The following SLC2A9 variants were observed in gnomAD, a reference collection of about 807,000 sequenced individuals.
SLC2A9 encodes the protein solute carrier family 2, facilitated glucose transporter member 9.
In SLC2A9, 39 loss-of-function variants were observed where a neutral mutation model predicts 50.6. The ratio of observed to expected loss-of-function variants is 0.77; its 90% CI spans 0.60 to 1.01. SLC2A9 has a LOEUF of 1.01. Ranked by LOEUF, SLC2A9 falls within the 50% of genes least tolerant of loss-of-function variation. The pLI, the probability that SLC2A9 is intolerant of heterozygous loss-of-function variation, is 0.00. For missense variants in SLC2A9, 686 were observed against 677.6 expected, an observed-to-expected ratio of 1.01 and a Z score of -0.14; for synonymous variants, 324 against 276.9, an observed-to-expected ratio of 1.17 and a Z score of -1.69.
intron 6 of SLC2A9, among the ~76,000 whole-genome samples, chr4:9,935,234 C>G (rs1746851679): frequency 6.6e-6 from 1 of 152,218 alleles, no homozygotes; most frequent in Admixed American, 6.5e-5. Flanking sequence ...AATCACCACA[C>G]TGCCTTCCTC....
At chr4:9,841,346 G>A (rs1728057828) in intron 10 of SLC2A9, among the ~76,000 whole-genome samples, 1 of 152,062 alleles carries the variant, frequency 6.6e-6, no homozygotes, top group Non-Finnish European at 1.5e-5. Flanking sequence ...GATATTGTAT[G>A]CTCTGGGAAA....
intron 8 of SLC2A9, among the ~76,000 whole-genome samples, chr4:9,906,725 C>T (rs182691374): frequency 2.6e-5 from 4 of 152,118 alleles, no homozygotes; most frequent in Non-Finnish European, 5.9e-5. Context: ...TTACAAAAAA[C>T]AAAAAACATC....
chr4:10,025,121 T>C (rs59234705), upstream of SLC2A9, among the ~76,000 whole-genome samples: 16,605 of 152,260 alleles, frequency 0.11, 1,590 homozygotes, highest in East Asian at 0.46. Flanking sequence ...TAAATGGACT[T>C]GTGTTGATCT....
In SLC2A9 at chr4:9,804,470, C is replaced by T. The variant is rs548209248; in HGVS notation, n.421-5229G>A. ...GAGCAGCTGTGAGCTGTGGAAAGCA[C>T]CTTCTGTTCTGGGAGGATGGTGAGG... On this transcript the variant is annotated intron_variant and non_coding_transcript_variant, in intron 3 of 3. Coordinates refer to the SLC2A9 transcript ENST00000503280. Among the ~76,000 whole-genome samples, 10 of 152,240 alleles carry T rather than the reference C, an allele frequency of 6.6e-5. No individual in the cohort carries two copies. In the South Asian group the frequency reaches 1.9e-3, roughly 28 times the overall value.
intron 2 of SLC2A9, among the ~76,000 whole-genome samples, chr4:10,004,933 C>T (rs757812733): frequency 5.3e-5 from 8 of 152,198 alleles, no homozygotes; most frequent in Non-Finnish European, 1.0e-4. Context: ...TGCTTTGGGA[C>T]ATCTCACTCA....
intron 6 of SLC2A9, among the ~76,000 whole-genome samples, chr4:9,924,973 C>T (rs912443104): frequency 1.3e-5 from 2 of 152,204 alleles, no homozygotes; most frequent in Non-Finnish European, 2.9e-5. Flanking sequence ...GATTGGGCCA[C>T]TCTTCTGCAC....
At chr4:9,951,604 A>C (rs888119128) in intron 5 of SLC2A9, among the ~76,000 whole-genome samples, 3 of 146,160 alleles carry the variant, frequency 2.1e-5, no homozygotes, top group Admixed American at 6.9e-5. Context: ...CAAAATGTCA[A>C]TATGGAATCA....
intron 10 of SLC2A9, chr4:9,878,886 A>G (rs1047125862): frequency 2.0e-5 from 5 of 252,608 alleles, no homozygotes; most frequent in African/African-American, 2.3e-5. Flanking sequence ...TTGTTGGTGG[A>G]GACAAATTGA....
intron 8 of SLC2A9, among the ~76,000 whole-genome samples, chr4:9,902,634 C>G (rs1005569764): frequency 9.9e-5 from 15 of 152,158 alleles, no homozygotes; most frequent in African/African-American, 3.6e-4. Flanking sequence ...TTGCAGGGCC[C>G]TCTCCTGGCT....
At chr4:9,982,945 C>A (rs993017498) in intron 4 of SLC2A9, among the ~76,000 whole-genome samples, 8 of 152,172 alleles carry the variant, frequency 5.3e-5, no homozygotes, top group Non-Finnish European at 1.2e-4. Context: ...CTCGGCTCAC[C>A]GCAACCTCCA....
intron 5 of SLC2A9, among the ~76,000 whole-genome samples, chr4:9,980,265 T>G (rs13131257): frequency 6.6e-6 from 1 of 152,056 alleles, no homozygotes; most frequent in Admixed American, 6.5e-5. Flanking sequence ...TATGGCATAA[T>G]TCCATCAAAG....
At chr4:10,032,328 A>G (rs1054367150) in intron 1 of SLC2A9, among the ~76,000 whole-genome samples, 5 of 152,094 alleles carry the variant, frequency 3.3e-5, no homozygotes, top group Non-Finnish European at 7.3e-5. Flanking sequence ...AGGAGCAGCA[A>G]GGGCCAGGGC....
At chr4:9,794,182 CTT>C (rs1313852497), downstream of SLC2A9, among the ~76,000 whole-genome samples, 22 of 149,898 alleles carry the variant, frequency 1.5e-4, no homozygotes, top group East Asian at 2.5e-3. Context: ...GAGTTTCACT[CTT>C]GTCTCCCAGG....
Position 9,966,511 on chromosome 4 carries a change from C to A in SLC2A9, c.681+14081G>T, listed in dbSNP as rs573186510. ...TCTCTACCAAAAATACAAAAATTAG[C>A]CAGGTGTGGTGGTGGATGCCTGTAG... On this transcript the variant is annotated intron_variant, in intron 5 of 11. Coordinates refer to ENST00000264784, the MANE Select transcript of SLC2A9 (RefSeq NM_020041.3). 2.0e-5 allele frequency among the ~76,000 whole-genome samples: 3 copies of A among 152,060 alleles called. No individual in the cohort carries two copies. The East Asian group carries it at 5.8e-4, about 29-fold the overall frequency.
Position 10,038,973 on chromosome 4 carries a change from C to T in SLC2A9, c.-41+1157G>A, listed in dbSNP as rs564161657. Among the ~76,000 whole-genome samples, 11 of 152,334 alleles carry T rather than the reference C, an allele frequency of 7.2e-5. No individual in the cohort carries two copies. In the South Asian group the frequency reaches 2.3e-3, roughly 32 times the overall value. Reference sequence around the variant, plus strand: ...TGGAATTTCTGTTGCTCTCACAACTCTGCCGTTCTAGTGTAGAAGCAGCCG... The same window carrying T: ...TGGAATTTCTGTTGCTCTCACAACTTTGCCGTTCTAGTGTAGAAGCAGCCG... On this transcript the variant is annotated intron_variant, in intron 1 of 12. Coordinates refer to the SLC2A9 transcript ENST00000309065.
In SLC2A9 at chr4:10,003,997, C is replaced by T. The variant is rs1052397809; in HGVS notation, c.250-7056G>A. 3.3e-5 allele frequency among the ~76,000 whole-genome samples: 5 copies of T among 152,222 alleles called. No individual in the cohort carries two copies. The South Asian group carries it at 8.3e-4, about 25-fold the overall frequency. ...ACAAGGGGCCCTCCCAAGCTCACAC[C>T]ATTGGCATGCGATGTCACCAGGACT... On this transcript the variant is annotated intron_variant, in intron 2 of 11. Coordinates refer to ENST00000264784, the MANE Select transcript of SLC2A9 (RefSeq NM_020041.3).
intron 3 of SLC2A9, chr4:9,781,711 A>G (rs1718405091): frequency 6.7e-6 from 2 of 296,540 alleles, no homozygotes. Flanking sequence ...TCCGAACCAG[A>G]CACAGCCGCT....
chr4:9,787,987 C>A (rs1249352072), intron 3 of SLC2A9, among the ~76,000 whole-genome samples: 3 of 152,128 alleles, frequency 2.0e-5, no homozygotes, highest in Non-Finnish European at 4.4e-5. Flanking sequence ...ATGAAGATAT[C>A]CTATTATTTC....
intron 10 of SLC2A9, among the ~76,000 whole-genome samples, chr4:9,850,746 C>T (rs1412182554): frequency 2.0e-5 from 3 of 152,140 alleles, no homozygotes; most frequent in Admixed American, 6.5e-5. Context: ...TGCTGGTGCA[C>T]TGTGAGTGGA....
Sources: gnomAD v4.1 joint callset for allele counts (sites outside exome capture counted in the v4.1 genomes callset) on GRCh38, gnomAD v4.1.1 for gene constraint, MANE v1.5 for transcripts, NCBI Gene and HGNC (gene_info 2026-07-23, HGNC 2026-07-21) for gene names.